EXT1: variants seen among roughly 807,000 people sequenced by gnomAD.
The protein encoded by EXT1 is exostosin glycosyltransferase 1.
Under a neutral mutation model 82.5 loss-of-function variants are expected in EXT1, and 20 were observed. The observed-to-expected ratio is 0.24, with a 90% CI of 0.17 to 0.35. The LOEUF is 0.35. Among genes scored for constraint, EXT1 ranks in the 10% least tolerant of loss-of-function variants. The pLI, the probability that EXT1 is intolerant of heterozygous loss-of-function variation, is 1.00. For synonymous variants in EXT1, 348 were observed against 350.8 expected (o/e 0.99, Z 0.09); for missense variants, 757 against 936.5 (o/e 0.81, Z 2.50).
intron 1 of EXT1, among the ~76,000 whole-genome samples, chr8:118,060,167 T>TA (rs1816860590): frequency 6.6e-6 from 1 of 152,206 alleles, no homozygotes; most frequent in Non-Finnish European, 1.5e-5. Flanking sequence ...TCTTATGCGT[T>TA]ATGTTCTTAC....
chr8:117,901,415 A>G (rs1285134021), intron 1 of EXT1, among the ~76,000 whole-genome samples: 2 of 152,236 alleles, frequency 1.3e-5, no homozygotes, highest in Non-Finnish European at 2.9e-5. Flanking sequence ...GGGCCACTTA[A>G]AATGAATAGA....
chr8:117,905,063 A>G (rs1010809274), intron 1 of EXT1, among the ~76,000 whole-genome samples: 6 of 152,222 alleles, frequency 3.9e-5, no homozygotes, highest in African/African-American at 1.4e-4. Context: ...AAGAACTAAA[A>G]GAACATTCCA....
chr8:117,902,330 A>G (rs948735248), intron 1 of EXT1, among the ~76,000 whole-genome samples: 6 of 152,224 alleles, frequency 3.9e-5, no homozygotes, highest in Admixed American at 1.3e-4. Context: ...TACGTAAACC[A>G]GTAACATGGT....
intron 4 of EXT1, among the ~76,000 whole-genome samples, chr8:117,825,816 G>A (rs1375808775): frequency 1.3e-5 from 2 of 152,174 alleles, no homozygotes; most frequent in Non-Finnish European, 2.9e-5. Context: ...TGGTTCGTAT[G>A]TGCATGATTA....
At chr8:117,875,645 T>C (rs1207996650) in intron 1 of EXT1, among the ~76,000 whole-genome samples, 1 of 152,128 alleles carries the variant, frequency 6.6e-6, no homozygotes, top group Non-Finnish European at 1.5e-5. Context: ...TTTTATTTGT[T>C]AGATTTCCAC....
chr8:118,007,275 G>A (rs1037460748), intron 1 of EXT1, among the ~76,000 whole-genome samples: 3 of 151,750 alleles, frequency 2.0e-5, no homozygotes, highest in Non-Finnish European at 4.4e-5. Context: ...CCAACCTGGG[G>A]GACACAGCGA....
intron 7 of EXT1, among the ~76,000 whole-genome samples, chr8:117,814,101 G>GAGAAGA (rs892918749): frequency 2.0e-5 from 3 of 151,338 alleles, no homozygotes; most frequent in African/African-American, 4.9e-5. Flanking sequence ...GAAGGAGAAG[G>GAGAAGA]AGAAGAAGAA....
chr8:118,068,584 G>GT (rs1313864208), intron 1 of EXT1, among the ~76,000 whole-genome samples: 1 of 151,794 alleles, frequency 6.6e-6, no homozygotes, highest in Admixed American at 6.6e-5. Flanking sequence ...ATGCACAGCA[G>GT]TTTTTTTTAA....
intron 1 of EXT1, among the ~76,000 whole-genome samples, chr8:117,894,842 G>A (rs1029130195): frequency 2.6e-5 from 4 of 152,176 alleles, no homozygotes; most frequent in Admixed American, 6.5e-5. Flanking sequence ...CTCCCTTCTC[G>A]CAATGTCCAG....
chr8:117,832,293 A>T (rs536610634), intron 3 of EXT1, among the ~76,000 whole-genome samples: 4 of 152,166 alleles, frequency 2.6e-5, no homozygotes, highest in Admixed American at 2.0e-4. Context: ...TGGGAGGCCG[A>T]GGCAGGCGGA....
intron 1 of EXT1, among the ~76,000 whole-genome samples, chr8:117,923,352 A>T (rs1212482122): frequency 6.6e-6 from 1 of 151,852 alleles, no homozygotes; most frequent in Non-Finnish European, 1.5e-5. Context: ...AAGGACAGTG[A>T]GCAGGGGGAT....
intron 1 of EXT1, among the ~76,000 whole-genome samples, chr8:117,915,099 C>T (rs1813722096): frequency 6.6e-6 from 1 of 152,160 alleles, no homozygotes; most frequent in East Asian, 1.9e-4. Flanking sequence ...AGCAGCCCAG[C>T]TGTAAAATTC....
At chr8:117,967,795 A>G (rs1403682965) in intron 1 of EXT1, among the ~76,000 whole-genome samples, 1 of 152,266 alleles carries the variant, frequency 6.6e-6, no homozygotes, top group Non-Finnish European at 1.5e-5. Context: ...CACAGAACAG[A>G]AATCTAAAGG....
intron 1 of EXT1, among the ~76,000 whole-genome samples, chr8:117,971,332 T>C (rs933621075): frequency 1.3e-5 from 2 of 152,060 alleles, no homozygotes; most frequent in Non-Finnish European, 2.9e-5. Context: ...ATTCCTAAAG[T>C]GGAAATTATA....
chr8:117,916,369 C>T (rs148374414), intron 1 of EXT1, among the ~76,000 whole-genome samples: 12 of 152,264 alleles, frequency 7.9e-5, no homozygotes, highest in African/African-American at 2.2e-4. Flanking sequence ...AGAGCACCAG[C>T]GCAGACACAC....
intron 1 of EXT1, among the ~76,000 whole-genome samples, chr8:117,844,016 T>A (rs1563577470): frequency 2.0e-5 from 3 of 152,042 alleles, no homozygotes; most frequent in Admixed American, 2.0e-4. Flanking sequence ...CATTCAAAAC[T>A]TCACCCCAGA....
At chr8:117,959,759 G>A (rs1042693980) in intron 1 of EXT1, among the ~76,000 whole-genome samples, 11 of 152,180 alleles carry the variant, frequency 7.2e-5, no homozygotes, top group African/African-American at 2.4e-4. Flanking sequence ...CCCGGTGTCA[G>A]CATCTAGGAA....
At chr8:117,886,296 C>T (rs1178549725) in intron 1 of EXT1, among the ~76,000 whole-genome samples, 1 of 152,196 alleles carries the variant, frequency 6.6e-6, no homozygotes, top group South Asian at 2.1e-4. Flanking sequence ...CCACCTTATA[C>T]TGCACTGAAT....
intron 1 of EXT1, among the ~76,000 whole-genome samples, chr8:117,980,267 G>A (rs17476170): frequency 0.03 from 4,624 of 152,134 alleles, 225 homozygotes; most frequent in African/African-American, 0.11. Flanking sequence ...AGTCATCCTC[G>A]TCCTTCCCCC....
Sources: gnomAD v4.1 joint callset for allele counts (sites outside exome capture counted in the v4.1 genomes callset) on GRCh38, gnomAD v4.1.1 for gene constraint, MANE v1.5 for transcripts, NCBI Gene and HGNC (gene_info 2026-07-23, HGNC 2026-07-21) for gene names.